CLSTN2: variants seen among roughly 807,000 people sequenced by gnomAD.
CLSTN2 encodes the protein calsyntenin-2.
CLSTN2 carries 48 observed loss-of-function variants against 101.2 expected under a neutral mutation model. The observed-to-expected ratio is 0.47, with a 90% CI of 0.38 to 0.60. The LOEUF (loss-of-function observed/expected upper bound fraction) is 0.60, where lower values mean the gene tolerates loss of function less well. Among genes scored for constraint, CLSTN2 ranks in the 20% least tolerant of loss-of-function variants. CLSTN2 has a pLI of 0.00. For missense variants in CLSTN2, 1,160 were observed against 1,238.2 expected, an observed-to-expected ratio of 0.94 and a Z score of 0.95; for synonymous variants, 481 against 463.6, an observed-to-expected ratio of 1.04 and a Z score of -0.48.
At chr3:140,367,670 A>G (rs1024060187) in intron 2 of CLSTN2, among the ~76,000 whole-genome samples, 2 of 152,100 alleles carry the variant, frequency 1.3e-5, no homozygotes, top group African/African-American at 4.8e-5. Context: ...TTGAACTGTG[A>G]GGGTTGTGGG....
chr3:140,507,683 C>A (rs765997540), intron 8 of CLSTN2: 1 of 152,050 alleles, frequency 6.6e-6, no homozygotes, highest in Non-Finnish European at 1.5e-5. Context: ...TTGTATGACA[C>A]CTTGTACCTC....
At chr3:140,026,077 G>A (rs993080283) in intron 1 of CLSTN2, among the ~76,000 whole-genome samples, 2 of 152,132 alleles carry the variant, frequency 1.3e-5, no homozygotes, top group African/African-American at 4.8e-5. Flanking sequence ...GATCTCTCCT[G>A]GAGATTAAGC....
intron 1 of CLSTN2, among the ~76,000 whole-genome samples, chr3:140,149,969 G>C (rs376807277): frequency 6.6e-6 from 1 of 152,078 alleles, no homozygotes; most frequent in Non-Finnish European, 1.5e-5. Flanking sequence ...TGTATCATGG[G>C]GCAGGGAGAG....
At chr3:140,322,193 T>C (rs1339547126) in intron 2 of CLSTN2, among the ~76,000 whole-genome samples, 1 of 152,240 alleles carries the variant, frequency 6.6e-6, no homozygotes, top group African/African-American at 2.4e-5. Flanking sequence ...GCCTGGGTAA[T>C]GCATTTCTGG....
intron 2 of CLSTN2, among the ~76,000 whole-genome samples, chr3:140,253,197 A>T (rs2086578275): frequency 1.3e-5 from 2 of 152,184 alleles, no homozygotes; most frequent in Non-Finnish European, 2.9e-5. Context: ...ACAAAGTTAC[A>T]GCTGCAAAGA....
chr3:140,050,419 C>T (rs938026289), intron 1 of CLSTN2, among the ~76,000 whole-genome samples: 2 of 152,140 alleles, frequency 1.3e-5, no homozygotes, highest in African/African-American at 4.8e-5. Context: ...TTAAGGGATA[C>T]CAGAAAGGGA....
intron 2 of CLSTN2, among the ~76,000 whole-genome samples, chr3:140,230,280 G>T (rs920573961): frequency 6.6e-6 from 1 of 152,164 alleles, no homozygotes; most frequent in Non-Finnish European, 1.5e-5. Context: ...GCAGTGTTGT[G>T]TGGTCAAATG....
chr3:140,358,181 C>G (rs1224861224), intron 2 of CLSTN2, among the ~76,000 whole-genome samples: 1 of 152,122 alleles, frequency 6.6e-6, no homozygotes, highest in Admixed American at 6.5e-5. Context: ...TCCAGTCTCT[C>G]AAAGTGTTAG....
intron 2 of CLSTN2, among the ~76,000 whole-genome samples, chr3:140,336,696 T>G (rs943055772): frequency 3.9e-5 from 6 of 152,208 alleles, no homozygotes; most frequent in African/African-American, 1.2e-4. Flanking sequence ...CAAGACTTTG[T>G]TGAAAACCAA....
intron 1 of CLSTN2, among the ~76,000 whole-genome samples, chr3:140,076,732 C>T (rs1168916853): frequency 8.3e-5 from 12 of 145,242 alleles, no homozygotes; most frequent in Non-Finnish European, 3.0e-5. Context: ...AGGAACTCTA[C>T]AGCAGTGAAT....
intron 2 of CLSTN2, among the ~76,000 whole-genome samples, chr3:140,340,798 GTCT>G (rs1263307370): frequency 6.6e-6 from 1 of 152,232 alleles, no homozygotes; most frequent in East Asian, 1.9e-4. Context: ...TAGCTGTCAC[GTCT>G]TCTTAGACTC....
At chr3:140,432,481 G>A (rs1029224143) in intron 5 of CLSTN2, among the ~76,000 whole-genome samples, 5 of 152,210 alleles carry the variant, frequency 3.3e-5, no homozygotes, top group South Asian at 4.1e-4. Context: ...CAGGTGCTCC[G>A]GAGTTTGCAG....
At chr3:140,159,114 G>A (rs2010005246) in intron 1 of CLSTN2, among the ~76,000 whole-genome samples, 2 of 152,092 alleles carry the variant, frequency 1.3e-5, no homozygotes, top group Admixed American at 1.3e-4. Context: ...CTCGACATTA[G>A]CCTTGGTGAA....
chr3:140,482,348 G>T (rs1934136291), intron 8 of CLSTN2, among the ~76,000 whole-genome samples: 1 of 152,168 alleles, frequency 6.6e-6, no homozygotes, highest in African/African-American at 2.4e-5. Context: ...GATTCAGTTT[G>T]CCAGTATTTT....
chr3:140,073,391 A>G (rs543072584), intron 1 of CLSTN2, among the ~76,000 whole-genome samples: 4 of 152,230 alleles, frequency 2.6e-5, no homozygotes, highest in Non-Finnish European at 2.9e-5. Context: ...TTTGGAACTA[A>G]GACAATGTAG....
chr3:140,071,832 A>AAAATAGATAAATAAATAAAT (rs2008401395), intron 1 of CLSTN2, among the ~76,000 whole-genome samples: 1 of 149,740 alleles, frequency 6.7e-6, no homozygotes, highest in African/African-American at 2.5e-5. Flanking sequence ...CTCCGTCTAA[A>AAAATAGATAAATAAATAAAT]AAATAAATAA....
intron 8 of CLSTN2, among the ~76,000 whole-genome samples, chr3:140,497,466 C>A (rs543080380): frequency 2.0e-5 from 3 of 152,134 alleles, no homozygotes; most frequent in Non-Finnish European, 4.4e-5. Context: ...CTGGACTCCC[C>A]GAAGCCAGCA....
intron 2 of CLSTN2, among the ~76,000 whole-genome samples, chr3:140,320,610 G>GC (rs1035008754): frequency 6.9e-5 from 10 of 144,554 alleles, no homozygotes; most frequent in African/African-American, 2.1e-4. Flanking sequence ...TGTTTTTTTT[G>GC]CGGGGGGGGG....
intron 1 of CLSTN2, among the ~76,000 whole-genome samples, chr3:140,109,639 G>C (rs189579685): frequency 1.3e-5 from 2 of 152,296 alleles, no homozygotes; most frequent in East Asian, 3.9e-4. Context: ...ACTGAGCCCT[G>C]TAGAGATCTT....
Sources: allele counts gnomAD v4.1 joint callset (sites outside exome capture counted in the v4.1 genomes callset), GRCh38; gene constraint gnomAD v4.1.1; transcripts MANE v1.5; gene names NCBI Gene and HGNC (gene_info 2026-07-23, HGNC 2026-07-21).